SBF2: variants seen among roughly 807,000 people sequenced by gnomAD.
SBF2 encodes the protein SET binding factor 2, also known as myotubularin-related protein 13.
A neutral mutation model predicts 225.2 loss-of-function variants in SBF2; 112 were observed. The ratio of observed to expected loss-of-function variants is 0.50; its 90% CI spans 0.43 to 0.58. SBF2 has a LOEUF of 0.58. Among genes scored for constraint, SBF2 ranks in the 20% least tolerant of loss-of-function variants. The pLI is 0.00. For missense variants in SBF2, 1,996 were observed against 2,206.2 expected, an observed-to-expected ratio of 0.90 and a Z score of 1.91; for synonymous variants, 763 against 773.3, an observed-to-expected ratio of 0.99 and a Z score of 0.22.
At position 9,994,577 on chromosome 11, in the gene SBF2, C is replaced by CATATAT. The variant is rs377348270; in HGVS notation, c.976-585_976-580dup. Among the ~76,000 whole-genome samples the CATATAT allele has an allele frequency of 9.5e-4, 127 of 134,114 alleles. 6 individuals carry two copies. The highest frequency in any genetic ancestry group is 3.3e-3 in the African/African-American group (116 of 34,702). 88.0% of individuals were successfully genotyped at this position (134,114 alleles called of 152,430 possible). A position where few individuals can be genotyped will look rare whatever the true frequency, so the allele number is the denominator to read the frequency against. On this transcript the variant is annotated intron_variant, in intron 9 of 39. Coordinates refer to ENST00000256190, the MANE Select transcript of SBF2 (RefSeq NM_030962.4). The stretch of plus-strand genomic sequence containing the variant: ...AATAAACCCTAAATCTATATATGTA[C>CATATAT]ATATATATATATATATGAAAATGAA...
At chr11:10,045,857 T>C (rs1183008963) in intron 2 of SBF2, among the ~76,000 whole-genome samples, 2 of 152,154 alleles carry the variant, frequency 1.3e-5, no homozygotes, top group Admixed American at 1.3e-4. Flanking sequence ...CCCAGATGGA[T>C]TGACTGGTGG....
intron 16 of SBF2, chr11:9,958,623 G>A (rs983070325): frequency 4.7e-5 from 11 of 231,790 alleles, no homozygotes; most frequent in African/African-American, 2.5e-4. Flanking sequence ...CTCCCAAAGT[G>A]CTGGGATTAC....
At chr11:10,175,477 A>C (rs1380188964) in intron 2 of SBF2, among the ~76,000 whole-genome samples, 1 of 151,352 alleles carries the variant, frequency 6.6e-6, no homozygotes, top group African/African-American at 2.4e-5. Context: ...CTAAATATAT[A>C]TGCACCCAAT....
intron 6 of SBF2, among the ~76,000 whole-genome samples, chr11:10,008,426 G>C (rs1948294555): frequency 6.6e-6 from 1 of 152,184 alleles, no homozygotes; most frequent in South Asian, 2.1e-4. Flanking sequence ...CCCTATGCCT[G>C]ATGTTCTCAA....
intron 1 of SBF2, among the ~76,000 whole-genome samples, chr11:10,264,798 T>C (rs574908646): frequency 1.3e-5 from 2 of 148,734 alleles, no homozygotes; most frequent in Admixed American, 1.3e-4. Context: ...TGTGTTCTCA[T>C]TGTTCAACTT....
At chr11:10,190,062 G>A (rs12294455) in intron 2 of SBF2, among the ~76,000 whole-genome samples, 14,406 of 151,636 alleles carry the variant, frequency 0.095, 932 homozygotes, top group East Asian at 0.28. Context: ...GAGGCAGGAG[G>A]ACTGCTTGAA....
chr11:9,943,700 G>T (rs531137141), intron 16 of SBF2, among the ~76,000 whole-genome samples: 1 of 152,034 alleles, frequency 6.6e-6, no homozygotes, highest in Non-Finnish European at 1.5e-5. Context: ...TCACTGGACT[G>T]GTAGAATTTA....
chr11:9,822,518 C>T (rs1854824975), intron 28 of SBF2, among the ~76,000 whole-genome samples: 2 of 152,164 alleles, frequency 1.3e-5, no homozygotes, highest in South Asian at 2.1e-4. Flanking sequence ...CCTCGGCCTC[C>T]CAAAGTGCTG....
At chr11:10,004,120 G>A (rs375801812) in intron 6 of SBF2, among the ~76,000 whole-genome samples, 2 of 151,848 alleles carry the variant, frequency 1.3e-5, no homozygotes, top group African/African-American at 4.8e-5. Context: ...TAATAGTTTC[G>A]TAAGTGATTT....
chr11:10,114,958 C>A (rs1320171611), intron 2 of SBF2, among the ~76,000 whole-genome samples: 1 of 152,170 alleles, frequency 6.6e-6, no homozygotes, highest in African/African-American at 2.4e-5. Context: ...ATCTACAGGG[C>A]AGTTGCATTT....
intron 1 of SBF2, among the ~76,000 whole-genome samples, chr11:10,289,506 A>G (rs1194447090): frequency 6.6e-6 from 1 of 152,070 alleles, no homozygotes; most frequent in Admixed American, 6.5e-5. Flanking sequence ...TCTAGGGCAG[A>G]GGTAACATCT....
At chr11:10,271,933 G>A in intron 1 of SBF2, 1 of 531,918 alleles carries the variant, frequency 1.9e-6, no homozygotes, top group East Asian at 3.2e-5. Flanking sequence ...ATAGGACCAG[G>A]CCACAGGAAA....
intron 33 of SBF2, among the ~76,000 whole-genome samples, chr11:9,793,617 T>C (rs1852901379): frequency 6.6e-6 from 1 of 150,954 alleles, no homozygotes; most frequent in South Asian, 2.1e-4. Flanking sequence ...CTCGAATTCC[T>C]GGCCTCAAGC....
At chr11:9,983,115 G>C (rs181658244) in intron 13 of SBF2, among the ~76,000 whole-genome samples, 1 of 152,352 alleles carries the variant, frequency 6.6e-6, no homozygotes, top group African/African-American at 2.4e-5. Context: ...AGACTTCACA[G>C]GCAGGGGAAG....
chr11:9,934,655 C>T (rs879099932), intron 16 of SBF2, among the ~76,000 whole-genome samples: 1 of 152,152 alleles, frequency 6.6e-6, no homozygotes, highest in East Asian at 1.9e-4. Context: ...GTTCAACATA[C>T]GCAAATCAAT....
At chr11:10,269,617 T>A (rs1423483532) in intron 1 of SBF2, among the ~76,000 whole-genome samples, 1 of 152,202 alleles carries the variant, frequency 6.6e-6, no homozygotes, top group East Asian at 1.9e-4. Flanking sequence ...TCACAACATC[T>A]CTATGAGGTA....
At chr11:9,812,025 T>C (rs913699508) in intron 30 of SBF2, among the ~76,000 whole-genome samples, 3 of 152,138 alleles carry the variant, frequency 2.0e-5, no homozygotes, top group African/African-American at 4.8e-5. Context: ...TGAAAGATGA[T>C]AGACACTGTG....
chr11:9,924,507 C>A (rs1432654721), intron 16 of SBF2, among the ~76,000 whole-genome samples: 1 of 152,056 alleles, frequency 6.6e-6, no homozygotes, highest in Non-Finnish European at 1.5e-5. Flanking sequence ...TCTCCGCTCA[C>A]GGCAACCTCT....
chr11:9,961,963 A>C lies in SBF2; in HGVS notation c.1854T>G (p.Thr618=), dbSNP rs1224103000. 5.6e-6 allele frequency: 9 copies of C among 1,613,080 alleles called. No homozygotes were observed. The highest frequency in any genetic ancestry group is 6.8e-6 in the Non-Finnish European group (8 of 1,179,242). Residue 618 remains threonine, a synonymous_variant, in exon 16 of 40, where the codon ACT becomes ACG. Transcript: ENST00000256190. ...TGAAAGAACTACAAATTACCTGTAG[A>C]GTACAATTCATCATCCTTATTATGT... ...FDYIIRMMNC[T]LQDCSSLEEY... is the part of the protein sequence containing the mutation.
Sources: gnomAD v4.1 joint callset for allele counts (sites outside exome capture counted in the v4.1 genomes callset) on GRCh38, gnomAD v4.1.1 for gene constraint, MANE v1.5 for transcripts, NCBI Gene and HGNC (gene_info 2026-07-23, HGNC 2026-07-21) for gene names.